The following AUTS2 variants were observed in gnomAD, a reference collection of about 807,000 sequenced individuals.
AUTS2 encodes autism susceptibility gene 2 protein.
A neutral mutation model predicts 112.4 loss-of-function variants in AUTS2; 17 were observed. The ratio of observed to expected loss-of-function variants is 0.15; its 90% CI spans 0.10 to 0.23. The LOEUF (loss-of-function observed/expected upper bound fraction) is 0.23. Ranked by LOEUF, AUTS2 falls within the 10% of genes least tolerant of loss-of-function variation. AUTS2 has a pLI of 1.00. For synonymous variants in AUTS2, 751 were observed against 702.7 expected, an observed-to-expected ratio of 1.07 and a Z score of -1.09; for missense variants, 1,510 against 1,701.6, an observed-to-expected ratio of 0.89 and a Z score of 1.98.
intron 4 of AUTS2, among the ~76,000 whole-genome samples, chr7:70,165,863 A>C (rs1281732976): frequency 6.6e-6 from 1 of 152,162 alleles, no homozygotes; most frequent in Non-Finnish European, 1.5e-5. Context: ...TCTCCACCCA[A>C]ATCTCATTTC....
At chr7:70,415,231 C>T (rs1794941209) in intron 4 of AUTS2, among the ~76,000 whole-genome samples, 1 of 152,166 alleles carries the variant, frequency 6.6e-6, no homozygotes, top group African/African-American at 2.4e-5. Context: ...AGGTTGGGGG[C>T]AGCCTAGGCT....
intron 1 of AUTS2, among the ~76,000 whole-genome samples, chr7:69,692,492 T>C (rs1030085540): frequency 6.6e-6 from 1 of 152,222 alleles, no homozygotes; most frequent in Non-Finnish European, 1.5e-5. Flanking sequence ...CTATCAAATA[T>C]ACAGTTCAGT....
chr7:70,312,604 A>G (rs1789811303), intron 4 of AUTS2, among the ~76,000 whole-genome samples: 1 of 152,202 alleles, frequency 6.6e-6, no homozygotes, highest in Non-Finnish European at 1.5e-5. Context: ...ATTAAAATAA[A>G]TCAGATAAAA....
intron 4 of AUTS2, among the ~76,000 whole-genome samples, chr7:70,183,076 C>A (rs1032215543): frequency 2.8e-4 from 42 of 152,110 alleles, no homozygotes; most frequent in African/African-American, 9.9e-4. Flanking sequence ...CAAAAATAGT[C>A]CCTTCATGCT....
chr7:69,910,868 C>T (rs568013142), intron 2 of AUTS2, among the ~76,000 whole-genome samples: 173 of 152,226 alleles, frequency 1.1e-3, no homozygotes, highest in Admixed American at 3.9e-3. Context: ...CCTCGTGATC[C>T]GCCCGCCTCG....
chr7:70,428,385 TCACC>T (rs1795518373), intron 4 of AUTS2, among the ~76,000 whole-genome samples: 1 of 152,200 alleles, frequency 6.6e-6, no homozygotes, highest in Admixed American at 6.5e-5. Context: ...GTGTTTTTAG[TCACC>T]ATGCTGCTAT....
At chr7:69,820,110 CAT>C (rs1437242124) in intron 1 of AUTS2, among the ~76,000 whole-genome samples, 1 of 152,120 alleles carries the variant, frequency 6.6e-6, no homozygotes, top group African/African-American at 2.4e-5. Flanking sequence ...GCCTGGGAGT[CAT>C]ATACATGCAG....
At chr7:70,242,647 C>A (rs535186340) in intron 4 of AUTS2, among the ~76,000 whole-genome samples, 16 of 152,062 alleles carry the variant, frequency 1.1e-4, no homozygotes, top group African/African-American at 3.9e-4. Flanking sequence ...ATTATCATGC[C>A]CCTTCTGAGT....
intron 2 of AUTS2, among the ~76,000 whole-genome samples, chr7:69,995,785 A>G (rs1219954634): frequency 6.6e-6 from 1 of 152,108 alleles, no homozygotes; most frequent in Non-Finnish European, 1.5e-5. Context: ...TTTCTGTATG[A>G]TCATGCTTGA....
chr7:70,001,417 C>T (rs1384357316), intron 2 of AUTS2, among the ~76,000 whole-genome samples: 2 of 152,050 alleles, frequency 1.3e-5, no homozygotes, highest in Admixed American at 1.3e-4. Flanking sequence ...CGAGACACCA[C>T]ACGGCCAAGT....
intron 6 of AUTS2, among the ~76,000 whole-genome samples, chr7:70,731,670 C>G (rs1585589165): frequency 6.6e-6 from 1 of 151,924 alleles, no homozygotes; most frequent in South Asian, 2.1e-4. Context: ...ACCTTGTGAT[C>G]CACCCACCTC....
intron 5 of AUTS2, among the ~76,000 whole-genome samples, chr7:70,524,349 G>A (rs1270488639): frequency 2.0e-5 from 3 of 152,200 alleles, no homozygotes. Context: ...CCACCATATA[G>A]TTGGTCAGGT....
intron 1 of AUTS2, among the ~76,000 whole-genome samples, chr7:69,698,591 A>G (rs1343696579): frequency 6.6e-6 from 1 of 152,118 alleles, no homozygotes; most frequent in African/African-American, 2.4e-5. Flanking sequence ...AAGATACCAC[A>G]CATGCCCGTG....
intron 2 of AUTS2, among the ~76,000 whole-genome samples, chr7:69,902,565 G>A (rs1337250053): frequency 1.3e-5 from 2 of 152,196 alleles, no homozygotes; most frequent in African/African-American, 4.8e-5. Context: ...GGTACTTCCT[G>A]AGCAGACAAC....
At chr7:70,632,127 A>C (rs1252664613) in intron 5 of AUTS2, among the ~76,000 whole-genome samples, 1 of 151,984 alleles carries the variant, frequency 6.6e-6, no homozygotes, top group African/African-American at 2.4e-5. Flanking sequence ...GTCAGTACCC[A>C]CCGTGGAGGT....
chr7:70,663,461 G>C (rs950010440), intron 5 of AUTS2, among the ~76,000 whole-genome samples: 5 of 152,152 alleles, frequency 3.3e-5, no homozygotes, highest in Non-Finnish European at 5.9e-5. Flanking sequence ...AGGAAGAAAG[G>C]CTTCAATGGA....
In AUTS2 at chr7:69,790,985, A is replaced by G. The variant is rs556832282; in HGVS notation, c.310-108301A>G. 7.6e-4 allele frequency among the ~76,000 whole-genome samples: 116 copies of G among 152,232 alleles called. 1 individual carries two copies. The highest frequency in any genetic ancestry group is 2.3e-3 in the Admixed American group (35 of 15,296). The stretch of plus-strand genomic sequence containing the variant: ...TTAATTCCTGTCTTCTAACTCTCCA[A>G]TCGATTTCTTGGCTCCACTAATTGA... On this transcript the variant is annotated intron_variant, in intron 1 of 18. Transcript: ENST00000342771.
At chr7:70,382,010 A>G (rs946772566) in intron 4 of AUTS2, among the ~76,000 whole-genome samples, 2 of 152,154 alleles carry the variant, frequency 1.3e-5, no homozygotes, top group East Asian at 1.9e-4. Context: ...ACTTTCTACT[A>G]ATGTCTGTGT....
Position 70,694,269 on chromosome 7 carries a change from C to T in AUTS2, c.691-4300C>T, listed in dbSNP as rs1409593727. 2.7e-5 allele frequency: 4 copies of T among 149,976 alleles called. No individual in the cohort carries two copies. The highest frequency in any genetic ancestry group is 7.3e-5 in the African/African-American group (3 of 41,072). The allele number at this position is 149,976 out of a possible 1,614,324, so 9.3% of individuals were successfully genotyped here. On this transcript the variant is annotated intron_variant, in intron 5 of 18. Coordinates refer to ENST00000342771, the MANE Select transcript of AUTS2 (RefSeq NM_015570.4). The surrounding 1 kb of genome is among the most constrained non-coding windows in gnomAD (Gnocchi z 4.1). ...GCCCAGCCAGCCCCGGGCGCTCACC[C>T]GCCAGCCCGCAAGCTCCGGCCAGAG...
Sources: allele counts gnomAD v4.1 joint callset (sites outside exome capture counted in the v4.1 genomes callset), GRCh38; gene constraint gnomAD v4.1.1; non-coding constraint Gnocchi (gnomAD v3.1); transcripts MANE v1.5; gene names NCBI Gene and HGNC (gene_info 2026-07-23, HGNC 2026-07-21).